The following MRTFB variants were observed in gnomAD, a reference collection of about 807,000 sequenced individuals.
MRTFB encodes the protein myocardin-related transcription factor B.
Under a neutral mutation model 104.2 loss-of-function variants are expected in MRTFB, and 29 were observed. That is an observed-to-expected ratio of 0.28 (90% CI 0.21 to 0.38). MRTFB has a LOEUF of 0.38. Ranked by LOEUF, MRTFB falls within the 10% of genes least tolerant of loss-of-function variation. The pLI is 1.00. For missense variants in MRTFB, 1,270 were observed against 1,341.6 expected (o/e 0.95, Z 0.83); for synonymous variants, 535 against 519.5 (o/e 1.03, Z -0.41).
At chr16:14,203,123 A>G (rs1340062425) in intron 3 of MRTFB, among the ~76,000 whole-genome samples, 5 of 151,730 alleles carry the variant, frequency 3.3e-5, no homozygotes. Context: ...GGTTCATCTA[A>G]TCCTCACTTG....
Position 14,118,962 on chromosome 16 carries a change from C to T in MRTFB, c.-63-21582C>T, listed in dbSNP as rs562651028. On this transcript the variant is annotated intron_variant, in intron 2 of 16. Coordinates refer to ENST00000571589, the MANE Select transcript of MRTFB (RefSeq NM_001308142.2). ...TTTGTTGTATGATATTTTAGGACTACACTACAGTTTATCCATTCTTCTGTC... is the reference window on the plus strand; with the variant it reads ...TTTGTTGTATGATATTTTAGGACTATACTACAGTTTATCCATTCTTCTGTC... Among the ~76,000 whole-genome samples the T allele has an allele frequency of 3.2e-4, 48 of 152,164 alleles. 1 individual carries two copies. In the South Asian group the frequency reaches 8.7e-3, roughly 28 times the overall value.
At chr16:14,061,002 C>G in the MRTFB span, among the ~76,000 whole-genome samples, 1 of 152,022 alleles carries the variant, frequency 6.6e-6, no homozygotes, top group Non-Finnish European at 1.5e-5. Context: ...AAAACTTAGC[C>G]AGGTGTGGTG....
chr16:14,066,552 C>T (rs1214755193), upstream of MRTFB, among the ~76,000 whole-genome samples: 7 of 152,062 alleles, frequency 4.6e-5, no homozygotes, highest in Non-Finnish European at 1.0e-4. Flanking sequence ...GGATTATAGG[C>T]ATGAGCCACC....
intron 2 of MRTFB, among the ~76,000 whole-genome samples, chr16:14,106,414 A>G (rs554873796): frequency 2.2e-4 from 33 of 152,342 alleles, no homozygotes; most frequent in South Asian, 1.2e-3. Context: ...TCAAATCACT[A>G]TACTTCTTAC....
chr16:14,212,816 A>G (rs965597514), intron 5 of MRTFB, among the ~76,000 whole-genome samples: 2 of 152,216 alleles, frequency 1.3e-5, no homozygotes, highest in African/African-American at 4.8e-5. Flanking sequence ...TTACCTGTAC[A>G]TTTGACCAAC....
At chr16:14,179,529 C>T (rs1459763957) in intron 3 of MRTFB, among the ~76,000 whole-genome samples, 2 of 152,166 alleles carry the variant, frequency 1.3e-5, no homozygotes, top group Non-Finnish European at 2.9e-5. Flanking sequence ...AATACATCTT[C>T]GGACTCGGGA....
chr16:13,996,293 GA>G, the MRTFB span, among the ~76,000 whole-genome samples: 51 of 144,658 alleles, frequency 3.5e-4, no homozygotes, highest in East Asian at 7.1e-3. Flanking sequence ...CAACAACAAA[GA>G]AAAAAAAAAA....
At chr16:14,001,844 C>A in the MRTFB span, among the ~76,000 whole-genome samples, 17 of 152,324 alleles carry the variant, frequency 1.1e-4, no homozygotes, top group African/African-American at 4.1e-4. Context: ...ACCCACTTCG[C>A]TGAATAGGAG....
At chr16:14,168,409 C>T (rs2039318798) in intron 3 of MRTFB, among the ~76,000 whole-genome samples, 1 of 152,186 alleles carries the variant, frequency 6.6e-6, no homozygotes, top group Admixed American at 6.5e-5. Flanking sequence ...TCTACCCTAG[C>T]CCCTCTGAGA....
chr16:14,062,709 G>A, the MRTFB span, among the ~76,000 whole-genome samples: 1 of 152,168 alleles, frequency 6.6e-6, no homozygotes, highest in African/African-American at 2.4e-5. Flanking sequence ...GAATCACTGG[G>A]AGGGCCAGAG....
At chr16:14,073,924 A>T (rs571439645) in intron 1 of MRTFB, among the ~76,000 whole-genome samples, 3 of 152,314 alleles carry the variant, frequency 2.0e-5, no homozygotes, top group African/African-American at 7.2e-5. Flanking sequence ...CTTGCTGCAT[A>T]GGGGAAAATG....
intron 3 of MRTFB, chr16:14,187,067 C>T: frequency 6.4e-7 from 1 of 1,563,292 alleles, no homozygotes; most frequent in Non-Finnish European, 8.6e-7. Context: ...GGCAAAACTG[C>T]CAAATTCATA....
chr16:14,012,520 G>A, the MRTFB span, among the ~76,000 whole-genome samples: 1 of 151,746 alleles, frequency 6.6e-6, no homozygotes, highest in Non-Finnish European at 1.5e-5. Context: ...GGATGGTCTC[G>A]ATCTCCTGAC....
the MRTFB span, among the ~76,000 whole-genome samples, chr16:14,059,987 G>A: frequency 6.8e-6 from 1 of 147,000 alleles, no homozygotes; most frequent in Non-Finnish European, 1.5e-5. Context: ...GGAAAACAGA[G>A]AGACATGTAA....
intron 3 of MRTFB, chr16:14,153,187 G>A (rs1213079416): frequency 6.6e-6 from 1 of 152,172 alleles, no homozygotes; most frequent in Non-Finnish European, 1.5e-5. Context: ...GAATTGTGTG[G>A]CTCTTAATTG....
the MRTFB span, among the ~76,000 whole-genome samples, chr16:14,029,469 A>T: frequency 4.7e-5 from 6 of 128,838 alleles, no homozygotes; most frequent in African/African-American, 1.7e-4. Flanking sequence ...CATATATATA[A>T]ACACACACAT....
chr16:14,252,079 C>T, intron 14 of MRTFB, 56 bp downstream of exon 14: 2 of 1,578,774 alleles, frequency 1.3e-6, no homozygotes, highest in East Asian at 4.5e-5. Context: ...TCAAATCATT[C>T]CAAAGCCTAG....
chr16:14,147,548 T>C (rs191380570), intron 3 of MRTFB, among the ~76,000 whole-genome samples: 5 of 152,326 alleles, frequency 3.3e-5, no homozygotes, highest in African/African-American at 9.6e-5. Context: ...ACTGAGGATT[T>C]TGTTTGCTTC....
the MRTFB span, among the ~76,000 whole-genome samples, chr16:14,062,502 A>T: frequency 2.6e-5 from 4 of 152,176 alleles, no homozygotes; most frequent in African/African-American, 9.7e-5. Flanking sequence ...CCAGGTAAGC[A>T]GGGGGAGTGG....
Sources: allele counts gnomAD v4.1 joint callset (sites outside exome capture counted in the v4.1 genomes callset), GRCh38; gene constraint gnomAD v4.1.1; transcripts MANE v1.5; gene names NCBI Gene and HGNC (gene_info 2026-07-23, HGNC 2026-07-21).